CCDC88B: variants seen among roughly 807,000 people sequenced by gnomAD.
CCDC88B encodes the protein coiled-coil domain-containing protein 88B.
A neutral mutation model predicts 183.7 loss-of-function variants in CCDC88B; 138 were observed. That is an observed-to-expected ratio of 0.75 (90% CI 0.65 to 0.87). CCDC88B has a LOEUF of 0.87. CCDC88B is among the 40% of genes least tolerant of loss of function. CCDC88B has a pLI of 0.00. For synonymous variants in CCDC88B, 835 were observed against 867.5 expected (o/e 0.96, Z 0.66); for missense variants, 1,822 against 1,965.6 (o/e 0.93, Z 1.38).
intron 22 of CCDC88B, 26 bp from the exon 23 acceptor site, chr11:64,353,689 C>T: frequency 6.2e-7 from 1 of 1,612,810 alleles, no homozygotes; most frequent in Non-Finnish European, 8.5e-7. Context: ...GCCTCACACC[C>T]ACCTCTCCCT....
chr11:64,340,347 G>A lies in CCDC88B; in HGVS notation c.60+21G>A. The A allele has an allele frequency of 7.7e-6, 10 of 1,300,858 alleles. No homozygotes were observed. In the South Asian group the frequency reaches 1.5e-4, roughly 19 times the overall value. 80.6% of individuals were successfully genotyped at this position (1,300,858 alleles called of 1,614,324 possible). A position where few individuals can be genotyped will look rare whatever the true frequency, so the allele number is the denominator to read the frequency against. ...CCTGGGTGAGGGGGCAGGTGGCAGC[G>A]GGTTGGGGAGGGGAAGTGAGCCCCA... On this transcript the variant is annotated intron_variant, in intron 1 of 26. Transcript: ENST00000356786.
At chr11:64,355,687 A>G in intron 26 of CCDC88B, 59 bp downstream of exon 26, 3 of 1,424,886 alleles carry the variant, frequency 2.1e-6, no homozygotes, top group South Asian at 2.7e-5. Flanking sequence ...CCCCTGGCAG[A>G]ACCTCATTCA....
intron 23 of CCDC88B, 60 bp downstream of exon 23, chr11:64,353,873 G>A: frequency 1.2e-6 from 2 of 1,603,652 alleles, no homozygotes; most frequent in Admixed American, 1.7e-5. Flanking sequence ...CCCCTGCCCT[G>A]GCCTCTGACC....
At chr11:64,352,087 G>C (rs747797458) in intron 18 of CCDC88B, 43 bp from the exon 19 acceptor site, 1 of 1,513,370 alleles carries the variant, frequency 6.6e-7, no homozygotes, top group Admixed American at 2.2e-5. Flanking sequence ...TTTCCAGCCA[G>C]GGGTTCCTCC....
Position 64,352,748 on chromosome 11 carries a change from G to C in CCDC88B, c.3361G>C (p.Glu1121Gln), listed in dbSNP as rs201018165. 2.5e-6 allele frequency: 4 copies of C among 1,613,464 alleles called. No individual in the cohort carries two copies. The highest frequency in any genetic ancestry group is 3.4e-6 in the Non-Finnish European group (4 of 1,179,998). ...TTAGCCCCTTGTCCATCCCAGGCAC[G>C]AGCAGCTGCAGGCCCAGCGGGCCAG... ...LAHRELQGRH[E>Q]QLQAQRASVE... Residue 1121 changes from glutamate (E) to glutamine (Q), a missense_variant, in exon 20 of 27, where the codon GAG (glutamate) becomes CAG (glutamine). Glu to Gln is a conservative substitution (Grantham distance 29). Transcript: ENST00000356786.
chr11:64,342,817 A>T, intron 10 of CCDC88B, 137 bp downstream of exon 10: 1 of 1,074,648 alleles, frequency 9.3e-7, no homozygotes. Context: ...GGTGAGGACA[A>T]ATTCAGGGAG....
rs751666917 is a variant in CCDC88B at position 64,341,502 on chromosome 11, G to C, written c.529G>C (p.Glu177Gln). Residue 177 changes from glutamate (E) to glutamine (Q), a missense_variant and splice_region_variant, in exon 6 of 27, where the codon GAG becomes CAG. Physicochemically the swap from Glu to Gln is conservative, Grantham distance 29. Coordinates refer to ENST00000356786, the MANE Select transcript of CCDC88B (RefSeq NM_032251.6). ...VQSELAAAIQEVTQPGAGVVL... is the reference protein window; with the variant it reads ...VQSELAAAIQQVTQPGAGVVL... ...GAGCGAGCTGGCCGCTGCCATCCAG[G>C]AGGTACTGAGACGGTTCGGCAGCCC... The C allele has an allele frequency of 1.2e-6, 2 of 1,613,770 alleles. No individual in the cohort carries two copies. The highest frequency in any genetic ancestry group is 1.7e-6 in the Non-Finnish European group (2 of 1,180,020).
At chr11:64,352,601 A>G (rs779608652) in intron 19 of CCDC88B, 143 bp from the exon 20 acceptor site, 67 of 1,380,222 alleles carry the variant, frequency 4.9e-5, no homozygotes, top group Non-Finnish European at 6.4e-5. Flanking sequence ...GGCACCTGGC[A>G]TGGCATTCTG....
In CCDC88B at chr11:64,343,844, G is replaced by C; in HGVS notation, c.1385G>C (p.Arg462Pro). 6.2e-7 allele frequency: 1 copy of C among 1,600,540 alleles called. No individual in the cohort carries two copies. Among genetic ancestry groups the C allele is most frequent in the Non-Finnish European group, 8.5e-7 (1 of 1,174,118 alleles). ...AGGGAGGCAGAGGCTGGGCGGCTTCGGACCCTTGAGAGGGAGAACCGGGAG... is the reference window on the plus strand; with the variant it reads ...AGGGAGGCAGAGGCTGGGCGGCTTCCGACCCTTGAGAGGGAGAACCGGGAG... ...EVREAEAGRL[R>P]TLERENRELR... is the part of the protein sequence containing the mutation. The change falls in exon 13 of 27, where the codon CGG (arginine) becomes CCG (proline). Residue 462 changes from arginine (R) to proline (P), a missense_variant. Arg to Pro is a moderately radical substitution (Grantham distance 103, BLOSUM62 -2). Coordinates refer to ENST00000356786, the MANE Select transcript of CCDC88B (RefSeq NM_032251.6).
chr11:64,351,812 G>A (rs539482881), intron 18 of CCDC88B, among the ~76,000 whole-genome samples, 196 bp downstream of exon 18: 20 of 151,656 alleles, frequency 1.3e-4, no homozygotes, highest in Admixed American at 9.8e-4. Context: ...CCTACCTGCC[G>A]CCAGCCCCCA....
chr11:64,355,077 T>G, intron 24 of CCDC88B, 117 bp from the exon 25 acceptor site: 5 of 288,760 alleles, frequency 1.7e-5, no homozygotes, highest in Non-Finnish European at 1.9e-5. Flanking sequence ...CCCCTCCCCT[T>G]GTCTGACCCC....
At position 64,343,555 on chromosome 11, in the gene CCDC88B, G is replaced by A. The variant is rs1390647934; in HGVS notation, c.1258G>A (p.Val420Met). 3 of 1,551,948 alleles carry A rather than the reference G, an allele frequency of 1.9e-6. No homozygotes were observed. Among genetic ancestry groups the A allele is most frequent in the Non-Finnish European group, 2.6e-6 (3 of 1,147,172 alleles). Residue 420 changes from valine to methionine, a missense_variant, in exon 12 of 27, where the codon GTG becomes ATG. Physicochemically the swap from Val to Met is conservative, Grantham distance 21. Transcript: ENST00000356786. ...HQVDQLAEEN[V>M]ELELELQRSL... ...GGTGGACCAGCTGGCTGAGGAGAAT[G>A]TGGAGCTGGAGCTGGAGCTTCAGCG...
At chr11:64,352,471 C>G in intron 19 of CCDC88B, 85 bp downstream of exon 19, 2 of 1,448,282 alleles carry the variant, frequency 1.4e-6, no homozygotes, top group Non-Finnish European at 1.8e-6. Flanking sequence ...GACTCCCCAT[C>G]AGGAAGCACC....
intron 1 of CCDC88B, 85 bp downstream of exon 1, chr11:64,340,411 G>A (rs1193257119): frequency 1.5e-6 from 2 of 1,295,888 alleles, no homozygotes; most frequent in Non-Finnish European, 2.0e-6. Context: ...GGGAGGGTGA[G>A]GCAGAACCAG....
intron 10 of CCDC88B, chr11:64,342,929 G>T (rs1189362925): frequency 6.2e-6 from 3 of 481,108 alleles, no homozygotes; most frequent in Non-Finnish European, 1.1e-5. Flanking sequence ...TCCCGGGGGG[G>T]AGGGGCGGGG....
In CCDC88B at chr11:64,352,841, C is replaced by T. The variant is rs748035301; in HGVS notation, c.3454C>T (p.Arg1152Trp). Reference sequence around the variant, plus strand: ...CCTGATGCAAGATGGGCATCGGCAGCGGGGCCTGGAGGAGGAGCTGCGGAG... The same window carrying T: ...CCTGATGCAAGATGGGCATCGGCAGTGGGGCCTGGAGGAGGAGCTGCGGAG... Reference protein sequence around the residue: ...ERLMQDGHRQRGLEEELRRLQ... With the variant: ...ERLMQDGHRQWGLEEELRRLQ... Residue 1152 changes from arginine to tryptophan, a missense_variant, in exon 20 of 27, where the codon CGG becomes TGG. Transcript: ENST00000356786. The T allele has an allele frequency of 4.1e-5, 66 of 1,610,482 alleles. No homozygotes were observed. The highest frequency in any genetic ancestry group is 4.8e-5 in the Non-Finnish European group (57 of 1,179,140).
At chr11:64,354,297 CT>C (rs765362712) in intron 24 of CCDC88B, 127 bp downstream of exon 24, 6 of 756,490 alleles carry the variant, frequency 7.9e-6, no homozygotes, top group Non-Finnish European at 1.1e-5. Flanking sequence ...CCTGCCCCCC[CT>C]GCCCTGATGC....
intron 16 of CCDC88B, 142 bp from the exon 17 acceptor site, chr11:64,351,018 G>T (rs910393524): frequency 2.7e-5 from 15 of 548,054 alleles, no homozygotes; most frequent in Non-Finnish European, 4.4e-5. Context: ...GGACTTGTGG[G>T]ATCCAAGGGA....
intron 5 of CCDC88B, 22 bp from the exon 6 acceptor site, chr11:64,341,399 T>C: frequency 6.2e-7 from 1 of 1,613,850 alleles, no homozygotes; most frequent in Non-Finnish European, 8.5e-7. Context: ...CTGCACCAGC[T>C]CCCCTTCCTG....
Sources: gnomAD v4.1 joint callset for allele counts (sites outside exome capture counted in the v4.1 genomes callset) on GRCh38, gnomAD v4.1.1 for gene constraint, MANE v1.5 for transcripts, NCBI Gene and HGNC (gene_info 2026-07-23, HGNC 2026-07-21) for gene names.